FBXW11: variants seen among roughly 807,000 people sequenced by gnomAD.
FBXW11 encodes the protein F-box/WD repeat-containing protein 11.
In FBXW11, 19 loss-of-function variants were observed where a neutral mutation model predicts 77.6. That is an observed-to-expected ratio of 0.24 (90% CI 0.17 to 0.36). The LOEUF is 0.36. Ranked by LOEUF, FBXW11 falls within the 10% of genes least tolerant of loss-of-function variation. The probability of loss-of-function intolerance (pLI) is 1.00; values close to 1 mark genes in which losing one functional copy is unlikely to be tolerated. For missense variants in FBXW11, 334 were observed against 704.2 expected (o/e 0.47, Z 5.95); for synonymous variants, 235 against 249.4 (o/e 0.94, Z 0.54).
rs1218376737 is a variant in FBXW11 at position 171,876,677 on chromosome 5, A to G, written c.972-143T>C. Reference sequence around the variant, plus strand: ...AATCTCATGTTGAAATTGATCCTCAATGTTGGAGGTGGGGCCTGGCAGGAG... The same window carrying G: ...AATCTCATGTTGAAATTGATCCTCAGTGTTGGAGGTGGGGCCTGGCAGGAG... On this transcript the variant is annotated intron_variant, in intron 8 of 13. Transcript: ENST00000517395. This position sits in a 1 kb window ranked among gnomAD's most constrained non-coding sequence, Gnocchi z 4.2. 2.2e-5 allele frequency: 24 copies of G among 1,114,234 alleles called. No homozygotes were observed. In the East Asian group the frequency reaches 3.3e-4, roughly 15 times the overall value. The allele number at this position is 1,114,234 out of a possible 1,614,324, so 69.0% of individuals were successfully genotyped here. A position where few individuals can be genotyped will look rare whatever the true frequency, so the allele number is the denominator to read the frequency against.
chr5:171,867,193 T>C (rs752076160), intron 13 of FBXW11, among the ~76,000 whole-genome samples: 1 of 152,170 alleles, frequency 6.6e-6, no homozygotes, highest in Non-Finnish European at 1.5e-5. Flanking sequence ...GTCAGCCAAC[T>C]TTTTCTGAAA....
intron 1 of FBXW11, among the ~76,000 whole-genome samples, chr5:171,974,627 G>A (rs1764718848): frequency 1.3e-5 from 2 of 152,064 alleles, no homozygotes; most frequent in African/African-American, 2.4e-5. Context: ...GCTGAGGCAA[G>A]AGGATCACTT....
At chr5:171,894,814 A>G (rs1376026122) in intron 6 of FBXW11, among the ~76,000 whole-genome samples, 1 of 151,928 alleles carries the variant, frequency 6.6e-6, no homozygotes. Flanking sequence ...AGATGGGAAG[A>G]GTAATATCTA....
At chr5:171,902,772 C>G (rs1760215124) in intron 4 of FBXW11, among the ~76,000 whole-genome samples, 1 of 152,182 alleles carries the variant, frequency 6.6e-6, no homozygotes, top group Admixed American at 6.5e-5. Context: ...ACAGGTTTTG[C>G]CACTATCCAG....
chr5:172,002,696 CTTTTTTT>C (rs34300477), intron 1 of FBXW11, among the ~76,000 whole-genome samples: 1 of 97,054 alleles, frequency 1.0e-5, no homozygotes, highest in Non-Finnish European at 2.0e-5. Flanking sequence ...TTTTTCTTTT[CTTTTTTT>C]TTTTTTTTTT....
chr5:171,998,988 A>G (rs542044886), intron 1 of FBXW11, among the ~76,000 whole-genome samples: 2 of 152,120 alleles, frequency 1.3e-5, no homozygotes, highest in South Asian at 2.1e-4. Flanking sequence ...GATTGTTCAT[A>G]TTGTAGGTAA....
intron 4 of FBXW11, among the ~76,000 whole-genome samples, chr5:171,909,818 C>T (rs185280901): frequency 8.5e-5 from 13 of 152,214 alleles, no homozygotes; most frequent in African/African-American, 2.9e-4. Flanking sequence ...TAAAGACATG[C>T]TACCAGTTTT....
At chr5:171,977,723 G>C (rs1237905120) in intron 1 of FBXW11, 1 of 395,342 alleles carries the variant, frequency 2.5e-6, no homozygotes, top group Admixed American at 3.0e-5. Flanking sequence ...AGCAAGCAAA[G>C]AGAGAGAAGC....
rs554182369 is a variant in FBXW11, at chr5:171,975,648, C to T, written c.46-17950G>A. Among the ~76,000 whole-genome samples the T allele has an allele frequency of 3.9e-5, 6 of 152,300 alleles. No homozygotes were observed. In the South Asian group the frequency reaches 1.2e-3, roughly 32 times the overall value. Reference sequence around the variant, plus strand: ...CCTCCAGTTCCTACTTCTTCCCATGCTAAAATGTGGAAAACAAGTCTACCT... The same window carrying T: ...CCTCCAGTTCCTACTTCTTCCCATGTTAAAATGTGGAAAACAAGTCTACCT... On this transcript the variant is annotated intron_variant, in intron 1 of 13. Coordinates refer to ENST00000517395, the MANE Select transcript of FBXW11 (RefSeq NM_001378974.1).
intron 1 of FBXW11, among the ~76,000 whole-genome samples, chr5:171,965,585 G>T (rs1326881769): frequency 6.6e-6 from 1 of 151,108 alleles, no homozygotes; most frequent in Non-Finnish European, 1.5e-5. Context: ...AACTAAAATG[G>T]ATCTTCACTG....
At chr5:171,959,971 T>G (rs796253428) in intron 1 of FBXW11, among the ~76,000 whole-genome samples, 13 of 152,318 alleles carry the variant, frequency 8.5e-5, no homozygotes, top group African/African-American at 3.1e-4. Context: ...AAGCTGATTT[T>G]CTTTCCACTA....
chr5:171,882,053 GTTAT>G (rs1391190649), intron 7 of FBXW11, among the ~76,000 whole-genome samples: 1 of 151,938 alleles, frequency 6.6e-6, no homozygotes, highest in African/African-American at 2.4e-5. Context: ...TGGATTTCCT[GTTAT>G]CAATTTCATT....
chr5:171,998,375 A>G (rs1481689070), intron 1 of FBXW11, among the ~76,000 whole-genome samples: 3 of 136,002 alleles, frequency 2.2e-5, no homozygotes, highest in Non-Finnish European at 4.5e-5. Context: ...GGGTTTCACC[A>G]TGTTGCCCAG....
At chr5:171,963,465 GTCTC>G (rs1027731847) in intron 1 of FBXW11, among the ~76,000 whole-genome samples, 7 of 152,168 alleles carry the variant, frequency 4.6e-5, no homozygotes, top group African/African-American at 9.7e-5. Flanking sequence ...GGGACCAGAG[GTCTC>G]TCTATCAAAC....
At chr5:171,909,167 G>A (rs1581184933) in intron 4 of FBXW11, among the ~76,000 whole-genome samples, 1 of 152,120 alleles carries the variant, frequency 6.6e-6, no homozygotes, top group African/African-American at 2.4e-5. Context: ...TCAAAGGGGA[G>A]TTCAGCACAG....
At chr5:171,983,836 T>C (rs1002103895) in intron 1 of FBXW11, among the ~76,000 whole-genome samples, 2 of 152,184 alleles carry the variant, frequency 1.3e-5, no homozygotes, top group African/African-American at 4.8e-5. Context: ...TGCTCATGTC[T>C]ACCTTAGAAT....
At chr5:171,868,566 T>C in intron 13 of FBXW11, 44 bp downstream of exon 13, 19 of 1,501,700 alleles carry the variant, frequency 1.3e-5, no homozygotes, top group Non-Finnish European at 1.7e-5. Context: ...AAAGGGAAGG[T>C]GAATTCAATC....
chr5:172,005,976 G>A (rs1766734436), intron 1 of FBXW11, among the ~76,000 whole-genome samples: 1 of 152,194 alleles, frequency 6.6e-6, no homozygotes, highest in Non-Finnish European at 1.5e-5. Context: ...AGGCTGGGGA[G>A]TGGGTGCTGA....
intron 4 of FBXW11, among the ~76,000 whole-genome samples, chr5:171,905,456 A>G (rs1760416999): frequency 6.6e-6 from 1 of 152,208 alleles, no homozygotes; most frequent in African/African-American, 2.4e-5. Context: ...AAGTTCACTC[A>G]AGAAATATCA....
Sources: allele counts gnomAD v4.1 joint callset (sites outside exome capture counted in the v4.1 genomes callset), GRCh38; gene constraint gnomAD v4.1.1; non-coding constraint Gnocchi (gnomAD v3.1); transcripts MANE v1.5; gene names NCBI Gene and HGNC (gene_info 2026-07-23, HGNC 2026-07-21).